The following CTSB variants were observed in gnomAD, a reference collection of about 807,000 sequenced individuals.
CTSB encodes the protein APP secretase.
CTSB carries 57 observed loss-of-function variants against 44.3 expected under a neutral mutation model. That is an observed-to-expected ratio of 1.29 (90% CI 1.04 to 1.60). CTSB has a LOEUF of 1.60. Among genes scored for constraint, CTSB ranks in the 40% most tolerant of loss-of-function variants. The pLI is 0.00. For synonymous variants in CTSB, 320 were observed against 168.0 expected (o/e 1.91, Z -7.00); for missense variants, 768 against 443.0 (o/e 1.73, Z -6.59).
At chr8:11,848,491 A>G (rs2131014978) in intron 5 of CTSB, 1 of 410,084 alleles carries the variant, frequency 2.4e-6, no homozygotes, top group Admixed American at 3.5e-5. Flanking sequence ...AAGGTACTTA[A>G]AAACACCACC....
At chr8:11,848,941 T>G (rs1435336200) in intron 5 of CTSB, 105 bp downstream of exon 5, 1 of 778,834 alleles carries the variant, frequency 1.3e-6, no homozygotes, top group Non-Finnish European at 2.1e-6. Flanking sequence ...GAAACACTTC[T>G]GACTCGCAGC....
intron 8 of CTSB, 154 bp from the exon 9 acceptor site, chr8:11,845,943 A>C: frequency 2.7e-6 from 2 of 747,946 alleles, no homozygotes; most frequent in South Asian, 2.8e-5. Flanking sequence ...GGGTCCCACA[A>C]TACTGGGGAA....
intron 1 of CTSB, among the ~76,000 whole-genome samples, chr8:11,858,557 C>T (rs981953843): frequency 6.6e-6 from 1 of 152,132 alleles, no homozygotes; most frequent in South Asian, 2.1e-4. Context: ...CCCAAAGTGT[C>T]GGGATTATAG....
At chr8:11,852,071 G>A (rs937714412) in intron 3 of CTSB, among the ~76,000 whole-genome samples, 2 of 152,106 alleles carry the variant, frequency 1.3e-5, no homozygotes, top group South Asian at 2.1e-4. Context: ...AGACACCTTG[G>A]AGAAGCACAA....
At chr8:11,853,708 G>C (rs1249731547) in intron 1 of CTSB, 3 of 476,956 alleles carry the variant, frequency 6.3e-6, no homozygotes, top group Non-Finnish European at 1.1e-5. Context: ...CAGAGAGAGA[G>C]CCAAGGGGCT....
At chr8:11,862,333 G>C (rs778458272) in intron 1 of CTSB, 13 of 152,082 alleles carry the variant, frequency 8.5e-5, no homozygotes, top group Non-Finnish European at 1.5e-4. Context: ...ACACTCTTTT[G>C]AAAGTGCCTA....
At chr8:11,861,475 G>C (rs1306264369) in intron 1 of CTSB, 4 of 152,310 alleles carry the variant, frequency 2.6e-5, no homozygotes, top group African/African-American at 7.2e-5. Flanking sequence ...TAGGCCTGAA[G>C]ACACCTATGA....
rs113105154 is a variant in CTSB, at chr8:11,854,355, G to A, written c.-25-876C>T. On this transcript the variant is annotated intron_variant, in intron 1 of 9. Coordinates refer to ENST00000353047, the MANE Select transcript of CTSB (RefSeq NM_001908.5). ...GTCGTCATGAAAGTCACAGGACTGC[G>A]GTGTCAGTGCTTAACAAACTGCCTG... Among the ~76,000 whole-genome samples, 264 of 152,228 alleles carry A rather than the reference G, an allele frequency of 1.7e-3. 1 individual carries two copies. Among genetic ancestry groups the A allele is most frequent in the East Asian group, 4.6e-3 (24 of 5,188 alleles).
intron 1 of CTSB, among the ~76,000 whole-genome samples, chr8:11,855,589 A>G (rs796354444): frequency 1.3e-5 from 2 of 152,352 alleles, no homozygotes; most frequent in African/African-American, 4.8e-5. Flanking sequence ...TTACACTGAA[A>G]AGTCTCTTTA....
chr8:11,863,310 T>G (rs1816684109), intron 1 of CTSB, among the ~76,000 whole-genome samples: 1 of 151,916 alleles, frequency 6.6e-6, no homozygotes. Context: ...AATACAAAAA[T>G]TAGCTGGGCG....
intron 3 of CTSB, 138 bp downstream of exon 3, chr8:11,852,472 G>A (rs1233508353): frequency 3.8e-6 from 2 of 531,286 alleles, no homozygotes; most frequent in South Asian, 3.0e-5. Flanking sequence ...AACAAGTACT[G>A]TACCTCAAGC....
At chr8:11,866,552 C>T (rs963463443) in intron 1 of CTSB, among the ~76,000 whole-genome samples, 15 of 152,212 alleles carry the variant, frequency 9.9e-5, no homozygotes, top group African/African-American at 2.9e-4. Flanking sequence ...CAGGAGCTGG[C>T]GGGTTCTAAG....
Position 11,860,578 on chromosome 8 carries a change from C to G in CTSB, c.-25-7099G>C, listed in dbSNP as rs1350009801. On this transcript the variant is annotated intron_variant, in intron 1 of 9. Transcript: ENST00000353047. ...GGTGGAGGCTGCAGTGGGCTGAGAT[C>G]GCACCATTGCACTCCACCTTGGGCA... Among the ~76,000 whole-genome samples the G allele has an allele frequency of 2.0e-5, 3 of 152,126 alleles. No individual in the cohort carries two copies. The East Asian group carries it at 5.8e-4, about 29-fold the overall frequency.
intron 4 of CTSB, 175 bp downstream of exon 4, chr8:11,850,691 C>T (rs1814425981): frequency 2.0e-6 from 1 of 508,410 alleles, no homozygotes; most frequent in Admixed American, 3.2e-5. Flanking sequence ...CCACCTAATC[C>T]TCGCCATCAT....
intron 1 of CTSB, among the ~76,000 whole-genome samples, chr8:11,858,136 C>T (rs927276158): frequency 3.9e-5 from 6 of 152,164 alleles, no homozygotes; most frequent in East Asian, 1.9e-4. Context: ...ACCAAAGCGC[C>T]GGCACATGCC....
chr8:11,858,152 T>C (rs2150431005), intron 1 of CTSB, among the ~76,000 whole-genome samples: 1 of 152,320 alleles, frequency 6.6e-6, no homozygotes, highest in East Asian at 1.9e-4. Flanking sequence ...ATGCCTGGCA[T>C]GCAGTGATAA....
In CTSB at chr8:11,855,109, G is replaced by A. The variant is rs564991513; in HGVS notation, c.-25-1630C>T. 4.6e-5 allele frequency among the ~76,000 whole-genome samples: 7 copies of A among 152,260 alleles called. No homozygotes were observed. The East Asian group carries it at 5.8e-4, about 13-fold the overall frequency. ...ATGATCTCGGCTCACTGCAACCTCT[G>A]CCTCCTGGGTTCAAGCTATTCTCCT... On this transcript the variant is annotated intron_variant, in intron 1 of 9. Coordinates refer to ENST00000353047, the MANE Select transcript of CTSB (RefSeq NM_001908.5).
chr8:11,847,758 C>A lies in CTSB; in HGVS notation c.597G>T (p.Thr199=), dbSNP rs780652096. 2.5e-6 allele frequency: 4 copies of A among 1,601,346 alleles called. No individual in the cohort carries two copies. Among genetic ancestry groups the A allele is most frequent in the South Asian group, 2.2e-5 (2 of 89,216 alleles). The part of the protein sequence containing the change: ...HHVNGSRPPC[T]GEGDTPKCSK... ...TACACTTGGGGGTATCTCCCTCCCC[C>A]GTGCATGGGGGCCGGGAGCCGTTGA... The change falls in exon 7 of 10, where the codon ACG becomes ACT. Residue 199 remains threonine (T), a synonymous_variant. Transcript: ENST00000353047.
intron 1 of CTSB, chr8:11,865,587 C>CA (rs796558910): frequency 0.028 from 3,826 of 134,758 alleles, 68 homozygotes; most frequent in Middle Eastern, 0.06. Flanking sequence ...GACTCCACCT[C>CA]AAAAAAAAAA....
Sources: allele counts gnomAD v4.1 joint callset (sites outside exome capture counted in the v4.1 genomes callset), GRCh38; gene constraint gnomAD v4.1.1; transcripts MANE v1.5; gene names NCBI Gene and HGNC (gene_info 2026-07-23, HGNC 2026-07-21).